The following CADPS variants were observed in gnomAD, a reference collection of about 807,000 sequenced individuals.
CADPS encodes the protein calcium dependent secretion activator.
A neutral mutation model predicts 167.3 loss-of-function variants in CADPS; 57 were observed. The ratio of observed to expected loss-of-function variants is 0.34; its 90% CI spans 0.28 to 0.42. The LOEUF (loss-of-function observed/expected upper bound fraction) is 0.42. Ranked by LOEUF, CADPS falls within the 20% of genes least tolerant of loss-of-function variation. CADPS has a pLI of 1.00. For missense variants in CADPS, 1,414 were observed against 1,738.1 expected, an observed-to-expected ratio of 0.81 and a Z score of 3.32; for synonymous variants, 676 against 635.3, an observed-to-expected ratio of 1.06 and a Z score of -0.96.
At chr3:62,872,417 TTTG>T (rs940748116) in intron 1 of CADPS, among the ~76,000 whole-genome samples, 7 of 152,206 alleles carry the variant, frequency 4.6e-5, no homozygotes, top group African/African-American at 1.4e-4. Context: ...ATATATATAT[TTTG>T]TTGTTGTTTA....
chr3:62,830,098 C>T (rs943711154), intron 1 of CADPS, among the ~76,000 whole-genome samples: 4 of 152,158 alleles, frequency 2.6e-5, no homozygotes, highest in Non-Finnish European at 5.9e-5. Context: ...TCTATGAAGA[C>T]TCCTATCACC....
chr3:62,795,784 G>A (rs371405032), intron 1 of CADPS, among the ~76,000 whole-genome samples: 1 of 152,170 alleles, frequency 6.6e-6, no homozygotes, highest in African/African-American at 2.4e-5. Context: ...CCACAGAAGG[G>A]CTCCTAACCA....
At position 62,645,807 on chromosome 3, in the gene CADPS, C is replaced by T; in HGVS notation, c.1240G>A (p.Ala414Thr). ...IMEVQGLKSL[A>T]PNRIVYCTME... ...GTGCAATATACGATGCGATTTGGAG[C>T]CAAAGATTTGAGGCCTTGGACTTCC... is the stretch of plus-strand genomic sequence containing the variant. The change falls in exon 6 of 30, where the codon GCT (alanine) becomes ACT (threonine). Residue 414 changes from alanine (A) to threonine (T), a missense_variant. Transcript: ENST00000383710. 6.2e-7 allele frequency: 1 copy of T among 1,614,040 alleles called. No individual in the cohort carries two copies. Among genetic ancestry groups the T allele is most frequent in the African/African-American group, 1.3e-5 (1 of 75,038 alleles).
At chr3:62,824,620 TA>T (rs2073691350) in intron 1 of CADPS, among the ~76,000 whole-genome samples, 1 of 152,122 alleles carries the variant, frequency 6.6e-6, no homozygotes, top group South Asian at 2.1e-4. Context: ...TCCACAGTGG[TA>T]AAGAAAATAT....
At chr3:62,631,298 C>G (rs2065234151) in intron 6 of CADPS, among the ~76,000 whole-genome samples, 1 of 152,148 alleles carries the variant, frequency 6.6e-6, no homozygotes, top group African/African-American at 2.4e-5. Flanking sequence ...CCCATTGTCA[C>G]TTAAACTTAA....
At chr3:62,450,029 G>A (rs909380263) in intron 26 of CADPS, among the ~76,000 whole-genome samples, 4 of 152,074 alleles carry the variant, frequency 2.6e-5, no homozygotes, top group African/African-American at 7.2e-5. Flanking sequence ...CATCATTACT[G>A]GTAATATTGG....
At chr3:62,657,404 A>C (rs1329267567) in intron 4 of CADPS, among the ~76,000 whole-genome samples, 1 of 152,174 alleles carries the variant, frequency 6.6e-6, no homozygotes, top group Non-Finnish European at 1.5e-5. Flanking sequence ...GGAATTTTAC[A>C]CTAAAATTCG....
At chr3:62,592,850 C>T (rs1375685969) in intron 6 of CADPS, 102 bp from the exon 7 acceptor site, 2 of 723,086 alleles carry the variant, frequency 2.8e-6, no homozygotes, top group Non-Finnish European at 4.5e-6. Flanking sequence ...TAACCCAAGG[C>T]AGCATTAGCT....
rs72891964 is a variant in CADPS at position 62,591,200 on chromosome 3, T to G, written c.1437+1437A>C. Among the ~76,000 whole-genome samples the G allele has an allele frequency of 8.3e-3, 1,269 of 152,282 alleles. 15 individuals carry two copies. The highest frequency in any genetic ancestry group is 0.026 in the African/African-American group (1,063 of 41,548). ...AAGTCTATGTGCTGGGCTCTGGGTATAAGGTAGTGAACAAAATAGTTTAGG... is the reference window on the plus strand; with the variant it reads ...AAGTCTATGTGCTGGGCTCTGGGTAGAAGGTAGTGAACAAAATAGTTTAGG... On this transcript the variant is annotated intron_variant, in intron 7 of 29. Transcript: ENST00000383710.
intron 21 of CADPS, 44 bp downstream of exon 21, chr3:62,491,295 C>A (rs1157497150): frequency 6.2e-7 from 1 of 1,600,934 alleles, no homozygotes; most frequent in Non-Finnish European, 8.5e-7. Flanking sequence ...ACTCTCCAGC[C>A]ATTTGTACCC....
At chr3:62,526,200 A>G (rs973788822) in intron 13 of CADPS, among the ~76,000 whole-genome samples, 32 of 152,188 alleles carry the variant, frequency 2.1e-4, no homozygotes, top group Admixed American at 1.9e-3. Flanking sequence ...TGGTCTCTGA[A>G]CATGGGCAGC....
intron 28 of CADPS, among the ~76,000 whole-genome samples, chr3:62,423,863 A>T (rs1019151051): frequency 7.9e-5 from 12 of 152,216 alleles, no homozygotes; most frequent in Non-Finnish European, 1.8e-4. Context: ...ATTTAACAAG[A>T]TGGTGCTGCT....
At chr3:62,764,969 T>A (rs928723585) in intron 2 of CADPS, among the ~76,000 whole-genome samples, 3 of 152,206 alleles carry the variant, frequency 2.0e-5, no homozygotes, top group African/African-American at 7.2e-5. Context: ...TAGGAGCTGG[T>A]CTCTAATGGT....
intron 1 of CADPS, among the ~76,000 whole-genome samples, chr3:62,795,129 T>C (rs1035809106): frequency 6.6e-6 from 1 of 151,998 alleles, no homozygotes; most frequent in Non-Finnish European, 1.5e-5. Context: ...TATATACGAA[T>C]AGACTTCCTC....
chr3:62,453,191 A>C (rs1178907185), intron 26 of CADPS, among the ~76,000 whole-genome samples: 4 of 152,150 alleles, frequency 2.6e-5, no homozygotes, highest in African/African-American at 9.6e-5. Flanking sequence ...GGGGTTAAAA[A>C]ATTGTTAAAA....
At chr3:62,863,757 T>C (rs918673222) in intron 1 of CADPS, among the ~76,000 whole-genome samples, 1 of 152,218 alleles carries the variant, frequency 6.6e-6, no homozygotes, top group Non-Finnish European at 1.5e-5. Context: ...ATCAAACAAC[T>C]TGCAAACACA....
In CADPS at chr3:62,605,032, T is replaced by A. The variant is rs367897982; in HGVS notation, c.1326-12284A>T. 3.3e-5 allele frequency among the ~76,000 whole-genome samples: 5 copies of A among 152,302 alleles called. No homozygotes were observed. In the South Asian group the frequency reaches 1.0e-3, roughly 32 times the overall value. Reference sequence around the variant, plus strand: ...TGGTTGCAACTGTGGTTCCCATAAATAACTGGGAGACTCTGGCTAATTGTG... The same window carrying A: ...TGGTTGCAACTGTGGTTCCCATAAAAAACTGGGAGACTCTGGCTAATTGTG... On this transcript the variant is annotated intron_variant, in intron 6 of 29. Transcript: ENST00000383710.
rs557411969 is a variant in CADPS, at chr3:62,561,027, T to C, written c.1645-3514A>G. On this transcript the variant is annotated intron_variant, in intron 9 of 29. Coordinates refer to ENST00000383710, the MANE Select transcript of CADPS (RefSeq NM_003716.4). ...TGGGAAGGCAGAGGTTGCAGTGAGC[T>C]GAGATCGCACCACTGCACTCCAGCC... Among the ~76,000 whole-genome samples the C allele has an allele frequency of 5.5e-4, 73 of 132,406 alleles. No individual in the cohort carries two copies. In the South Asian group the frequency reaches 0.016, roughly 30 times the overall value. The allele number at this position is 132,406 out of a possible 152,430, so 86.9% of individuals were successfully genotyped here.
intron 28 of CADPS, among the ~76,000 whole-genome samples, chr3:62,415,792 C>G (rs1035973237): frequency 6.6e-6 from 1 of 152,078 alleles, no homozygotes; most frequent in African/African-American, 2.4e-5. Context: ...GCAATAGGCA[C>G]GGAGTGATTA....
Sources: allele counts gnomAD v4.1 joint callset (sites outside exome capture counted in the v4.1 genomes callset), GRCh38; gene constraint gnomAD v4.1.1; transcripts MANE v1.5; gene names NCBI Gene and HGNC (gene_info 2026-07-23, HGNC 2026-07-21).